GLT1D1: variants seen among roughly 807,000 people sequenced by gnomAD.
GLT1D1 encodes glycosyltransferase 1 domain-containing protein 1.
In GLT1D1, 21 loss-of-function variants were observed where a neutral mutation model predicts 28.7. That is an observed-to-expected ratio of 0.73 (90% CI 0.52 to 1.05). The LOEUF is 1.05. GLT1D1 is among the 50% of genes least tolerant of loss of function. The probability of loss-of-function intolerance (pLI) is 0.00; values close to 1 mark genes in which losing one functional copy is unlikely to be tolerated. For synonymous variants in GLT1D1, 147 were observed against 124.8 expected (o/e 1.18, Z -1.19); for missense variants, 343 against 330.6 (o/e 1.04, Z -0.29).
At chr12:128,901,295 T>C (rs1365810640) in intron 4 of GLT1D1, among the ~76,000 whole-genome samples, 3 of 152,170 alleles carry the variant, frequency 2.0e-5, no homozygotes, top group African/African-American at 7.2e-5. Context: ...TGTTATTTTT[T>C]TTTTAGTAGA....
chr12:128,945,771 A>G (rs11609015), intron 5 of GLT1D1, among the ~76,000 whole-genome samples: 19,973 of 152,218 alleles, frequency 0.13, 1,562 homozygotes, highest in Non-Finnish European at 0.18. Flanking sequence ...CACATCAACA[A>G]GTCTGAGGGT....
intron 4 of GLT1D1, among the ~76,000 whole-genome samples, chr12:128,943,542 A>G (rs1875616522): frequency 6.6e-6 from 1 of 152,238 alleles, no homozygotes; most frequent in Admixed American, 6.5e-5. Context: ...TGCTTGTCCA[A>G]GAACTTATAA....
intron 1 of GLT1D1, among the ~76,000 whole-genome samples, chr12:128,867,571 A>G (rs1163535380): frequency 6.6e-6 from 1 of 152,100 alleles, no homozygotes; most frequent in Non-Finnish European, 1.5e-5. Flanking sequence ...AGAGGTTCCG[A>G]CGCAGTAGTG....
chr12:128,862,056 C>T (rs12809389), intron 1 of GLT1D1, among the ~76,000 whole-genome samples: 4,733 of 152,270 alleles, frequency 0.031, 110 homozygotes, highest in Middle Eastern at 0.085. Flanking sequence ...AGGCCAGCCG[C>T]GGTGGCTCAC....
intron 6 of GLT1D1, 44 bp from the exon 11 acceptor site, chr12:128,957,497 GCTCT>G: frequency 7.7e-7 from 1 of 1,294,252 alleles, no homozygotes; most frequent in African/African-American, 1.5e-5. Flanking sequence ...TGCCGCAGAG[GCTCT>G]TGAAATGACT....
chr12:128,961,184 T>C (rs1877906038), intron 7 of GLT1D1, among the ~76,000 whole-genome samples: 1 of 152,192 alleles, frequency 6.6e-6, no homozygotes, highest in Non-Finnish European at 1.5e-5. Context: ...GATATAAATA[T>C]GTGAGGAGAT....
At chr12:128,922,592 G>C (rs758516156) in intron 4 of GLT1D1, among the ~76,000 whole-genome samples, 1 of 152,134 alleles carries the variant, frequency 6.6e-6, no homozygotes, top group African/African-American at 2.4e-5. Context: ...ACTCACTAAG[G>C]TTTGCATTTC....
chr12:128,978,904 TAGC>T (rs1880051655), intron 7 of GLT1D1, among the ~76,000 whole-genome samples: 1 of 152,186 alleles, frequency 6.6e-6, no homozygotes, highest in Non-Finnish European at 1.5e-5. Context: ...GGCGGGAGTG[TAGC>T]AGTGAGGACA....
At chr12:128,900,204 G>A (rs1267503713) in intron 4 of GLT1D1, among the ~76,000 whole-genome samples, 4 of 152,296 alleles carry the variant, frequency 2.6e-5, no homozygotes, top group Admixed American at 6.5e-5. Context: ...TGTCTCTGGC[G>A]GTGGGAACTG....
At chr12:128,895,277 T>C (rs1869494787) in intron 3 of GLT1D1, among the ~76,000 whole-genome samples, 1 of 152,084 alleles carries the variant, frequency 6.6e-6, no homozygotes, top group Non-Finnish European at 1.5e-5. Flanking sequence ...TATGTATGTA[T>C]ATATGCACAT....
chr12:128,968,777 C>G (rs745682818), intron 7 of GLT1D1, among the ~76,000 whole-genome samples: 4 of 152,124 alleles, frequency 2.6e-5, no homozygotes, highest in Non-Finnish European at 5.9e-5. Flanking sequence ...GACACAGATT[C>G]TCCAGTGAGC....
chr12:128,869,894 T>C (rs1026078832), intron 1 of GLT1D1, among the ~76,000 whole-genome samples: 3 of 152,104 alleles, frequency 2.0e-5, no homozygotes, highest in African/African-American at 7.2e-5. Context: ...TGTTAGGTGA[T>C]TGAATTTTTG....
At chr12:128,972,359 G>A (rs897705137) in intron 7 of GLT1D1, among the ~76,000 whole-genome samples, 1 of 152,236 alleles carries the variant, frequency 6.6e-6, no homozygotes, top group South Asian at 2.1e-4. Context: ...TCCACCATGG[G>A]AGGTATGTGT....
intron 4 of GLT1D1, among the ~76,000 whole-genome samples, chr12:128,922,838 G>T (rs909218948): frequency 1.4e-5 from 2 of 145,986 alleles, no homozygotes; most frequent in South Asian, 4.3e-4. Flanking sequence ...CAGGAGAATC[G>T]CTTGAACCCA....
At chr12:128,916,585 C>T (rs1872134438) in intron 4 of GLT1D1, among the ~76,000 whole-genome samples, 3 of 152,078 alleles carry the variant, frequency 2.0e-5, no homozygotes, top group African/African-American at 4.8e-5. Context: ...TGTCATTCTT[C>T]TAAGTTTCAT....
At chr12:128,962,223 G>A (rs776762955) in intron 7 of GLT1D1, among the ~76,000 whole-genome samples, 5 of 152,244 alleles carry the variant, frequency 3.3e-5, no homozygotes, top group African/African-American at 9.6e-5. Context: ...CTTCAAGGGC[G>A]GAGTGAGCTG....
intron 4 of GLT1D1, among the ~76,000 whole-genome samples, chr12:128,917,799 G>A (rs11608992): frequency 0.15 from 23,566 of 152,086 alleles, 1,964 homozygotes; most frequent in African/African-American, 0.17. Flanking sequence ...TCAGAATGGC[G>A]ATTATTAAGA....
intron 4 of GLT1D1, among the ~76,000 whole-genome samples, chr12:128,913,207 A>G (rs572618295): frequency 2.6e-5 from 4 of 151,938 alleles, no homozygotes; most frequent in South Asian, 2.1e-4. Context: ...AAACCCTCTG[A>G]GGTTTAAACA....
At chr12:128,979,836 A>G (rs1271088116) in intron 7 of GLT1D1, among the ~76,000 whole-genome samples, 1 of 151,986 alleles carries the variant, frequency 6.6e-6, no homozygotes, top group African/African-American at 2.4e-5. Context: ...ATCAGTGCTC[A>G]GAACACTTAC....
Sources: allele counts gnomAD v4.1 joint callset (sites outside exome capture counted in the v4.1 genomes callset), GRCh38; gene constraint gnomAD v4.1.1; transcripts MANE v1.5; gene names NCBI Gene and HGNC (gene_info 2026-07-23, HGNC 2026-07-21).